NINJ2: variants seen among roughly 807,000 people sequenced by gnomAD.
NINJ2 encodes ninjurin-2.
Under a neutral mutation model 11.7 loss-of-function variants are expected in NINJ2, and 12 were observed. That is an observed-to-expected ratio of 1.02 (90% CI 0.66 to 1.66). NINJ2 has a LOEUF of 1.66. NINJ2 is among the 40% of genes most tolerant of loss of function. NINJ2 has a pLI of 0.00. For missense variants in NINJ2, 187 were observed against 181.8 expected (o/e 1.03, Z -0.16); for synonymous variants, 93 against 76.8 (o/e 1.21, Z -1.10).
intron 1 of NINJ2, among the ~76,000 whole-genome samples, chr12:636,043 C>T (rs1247762511): frequency 6.6e-6 from 1 of 151,810 alleles, no homozygotes; most frequent in Non-Finnish European, 1.5e-5. Flanking sequence ...TGCCACTGCA[C>T]GCCAGCCCGG....
chr12:620,197 C>T (rs778173636), intron 1 of NINJ2, among the ~76,000 whole-genome samples: 7 of 152,336 alleles, frequency 4.6e-5, no homozygotes, highest in African/African-American at 1.2e-4. Flanking sequence ...TTCTATAGCT[C>T]GTGGGCATCA....
intron 1 of NINJ2, among the ~76,000 whole-genome samples, chr12:623,055 A>G (rs1171738126): frequency 2.0e-5 from 3 of 152,162 alleles, no homozygotes; most frequent in Non-Finnish European, 4.4e-5. Flanking sequence ...GGCTTCTTAG[A>G]TTTTGGAAGA....
intron 1 of NINJ2, among the ~76,000 whole-genome samples, chr12:619,726 CT>C (rs151264899): frequency 0.011 from 1,738 of 152,300 alleles, 33 homozygotes; most frequent in African/African-American, 0.04. Context: ...AGCAAAGTAA[CT>C]TTGTCCTGAA....
chr12:598,566 G>A (rs1202196832), intron 1 of NINJ2, among the ~76,000 whole-genome samples: 1 of 152,130 alleles, frequency 6.6e-6, no homozygotes, highest in Non-Finnish European at 1.5e-5. Flanking sequence ...TTTAAAACAT[G>A]GTCATCAATT....
chr12:636,193 A>T (rs1444914877), intron 1 of NINJ2, among the ~76,000 whole-genome samples: 1 of 151,842 alleles, frequency 6.6e-6, no homozygotes, highest in African/African-American at 2.4e-5. Context: ...CCTGACCAAC[A>T]TGGAGAAACC....
At chr12:615,643 C>T (rs1224441520) in intron 1 of NINJ2, among the ~76,000 whole-genome samples, 1 of 152,190 alleles carries the variant, frequency 6.6e-6, no homozygotes, top group Non-Finnish European at 1.5e-5. Flanking sequence ...TGCCACAGCC[C>T]TTGGGAAGCC....
At chr12:587,505 C>G (rs568438990) in intron 1 of NINJ2, among the ~76,000 whole-genome samples, 1 of 152,364 alleles carries the variant, frequency 6.6e-6, no homozygotes, top group African/African-American at 2.4e-5. Context: ...CAAAGGGAGC[C>G]CCAGAGGACT....
In NINJ2 at chr12:628,582, G is replaced by C. The variant is rs180788220; in HGVS notation, c.33+34746C>G. 1.3e-5 allele frequency among the ~76,000 whole-genome samples: 2 copies of C among 152,318 alleles called. No individual in the cohort carries two copies. The highest frequency in any genetic ancestry group is 4.8e-5 in the African/African-American group (2 of 41,574). On this transcript the variant is annotated intron_variant, in intron 1 of 3. Coordinates refer to ENST00000305108, the MANE Select transcript of NINJ2 (RefSeq NM_016533.6). This position sits in a 1 kb window ranked among gnomAD's most constrained non-coding sequence, Gnocchi z 4.4. ...AACCAGAATGACTCCATCTTGAATA[G>C]GGGCTGGTAAAATGAGGCTGAGACC...
chr12:618,654 G>A (rs1045608476), intron 1 of NINJ2, among the ~76,000 whole-genome samples: 1 of 152,350 alleles, frequency 6.6e-6, no homozygotes, highest in African/African-American at 2.4e-5. Context: ...TGGCACCAGA[G>A]CCTCGGGCTC....
At position 620,062 on chromosome 12, in the gene NINJ2, T is replaced by C. The variant is rs554134183; in HGVS notation, c.33+43266A>G. 9.8e-5 allele frequency among the ~76,000 whole-genome samples: 15 copies of C among 152,338 alleles called. No individual in the cohort carries two copies. In the South Asian group the frequency reaches 2.9e-3, roughly 29 times the overall value. ...CCTGGTGTTTCATGGTTCACTCTCTTGTCTGACTGTTTCCCAGATCAGGCA... is the reference window on the plus strand; with the variant it reads ...CCTGGTGTTTCATGGTTCACTCTCTCGTCTGACTGTTTCCCAGATCAGGCA... On this transcript the variant is annotated intron_variant, in intron 1 of 3. Coordinates refer to ENST00000305108, the MANE Select transcript of NINJ2 (RefSeq NM_016533.6).
chr12:584,350 G>A (rs1333272630), intron 1 of NINJ2, among the ~76,000 whole-genome samples: 1 of 152,096 alleles, frequency 6.6e-6, no homozygotes, highest in Non-Finnish European at 1.5e-5. Context: ...GCCAGCCTGG[G>A]AAACATAACG....
At chr12:634,235 T>G (rs1277311121) in intron 1 of NINJ2, among the ~76,000 whole-genome samples, 1 of 148,236 alleles carries the variant, frequency 6.7e-6, no homozygotes, top group African/African-American at 2.5e-5. Flanking sequence ...TAAGTTGTGC[T>G]CACTAAATAA....
chr12:625,531 T>C lies in NINJ2; in HGVS notation c.33+37797A>G, dbSNP rs947636450. On this transcript the variant is annotated intron_variant, in intron 1 of 3. Transcript: ENST00000305108. ...GGCTACGTTGAAGAAAAAGAAAGCA[T>C]TGGGTAGGGGTATTAGAAGAGGGAA... is the stretch of plus-strand genomic sequence containing the variant. Among the ~76,000 whole-genome samples, 9 of 151,406 alleles carry C rather than the reference T, an allele frequency of 5.9e-5. 1 individual carries two copies. The East Asian group carries it at 1.7e-3, about 29-fold the overall frequency.
At chr12:630,061 T>C (rs1948260461) in intron 1 of NINJ2, among the ~76,000 whole-genome samples, 1 of 151,068 alleles carries the variant, frequency 6.6e-6, no homozygotes, top group South Asian at 2.1e-4. Context: ...AAAAGAGCAC[T>C]CTTCAGCCCC....
At position 591,766 on chromosome 12, in the gene NINJ2, G is replaced by C. The variant is rs2120874848; in HGVS notation, c.34-25588C>G. 6.6e-6 allele frequency among the ~76,000 whole-genome samples: 1 copy of C among 152,324 alleles called. No individual in the cohort carries two copies. Among genetic ancestry groups the C allele is most frequent in the Non-Finnish European group, 1.5e-5 (1 of 68,028 alleles). The stretch of plus-strand genomic sequence containing the variant: ...GCTGGGGGTGCTGCCAGACTTTGTG[G>C]GAGCTGGCTGCAAGGGCCAAGGGTG... On this transcript the variant is annotated intron_variant, in intron 1 of 3. Coordinates refer to ENST00000305108, the MANE Select transcript of NINJ2 (RefSeq NM_016533.6). The surrounding 1 kb of genome is among the most constrained non-coding windows in gnomAD (Gnocchi z 5.0).
intron 1 of NINJ2, among the ~76,000 whole-genome samples, chr12:571,386 T>A (rs1441855903): frequency 6.6e-6 from 1 of 152,010 alleles, no homozygotes; most frequent in Non-Finnish European, 1.5e-5. Flanking sequence ...ACCCAGCGGT[T>A]TGCCCCATTC....
At chr12:620,030 G>A (rs1948134178) in intron 1 of NINJ2, among the ~76,000 whole-genome samples, 1 of 152,216 alleles carries the variant, frequency 6.6e-6, no homozygotes, top group Non-Finnish European at 1.5e-5. Context: ...CCAGTTTGTT[G>A]CCAGGGCCTG....
Position 640,611 on chromosome 12 carries a change from G to T in NINJ2, c.33+22717C>A, listed in dbSNP as rs561134380. ...GTGATATGGGCTCACTGCAACCTCA[G>T]CCTCTAGGGTTCAAGTGAGTCTCGT... On this transcript the variant is annotated intron_variant, in intron 1 of 3. Coordinates refer to ENST00000305108, the MANE Select transcript of NINJ2 (RefSeq NM_016533.6). This position sits in a 1 kb window ranked among gnomAD's most constrained non-coding sequence, Gnocchi z 4.0. Among the ~76,000 whole-genome samples, 1 of 152,216 alleles carries T rather than the reference G, an allele frequency of 6.6e-6. No homozygotes were observed. Among genetic ancestry groups the T allele is most frequent in the East Asian group, 1.9e-4 (1 of 5,184 alleles).
intron 1 of NINJ2, among the ~76,000 whole-genome samples, chr12:576,534 G>A (rs900490607): frequency 6.6e-6 from 1 of 152,164 alleles, no homozygotes; most frequent in African/African-American, 2.4e-5. Context: ...TTGCTCTGTC[G>A]CCCAGGCTGC....
Sources: gnomAD v4.1 joint callset for allele counts (sites outside exome capture counted in the v4.1 genomes callset) on GRCh38, gnomAD v4.1.1 for gene constraint, Gnocchi (gnomAD v3.1) non-coding constraint, MANE v1.5 for transcripts, NCBI Gene and HGNC (gene_info 2026-07-23, HGNC 2026-07-21) for gene names.